PRPSAP2: variants seen among roughly 807,000 people sequenced by gnomAD.
PRPSAP2 encodes phosphoribosyl pyrophosphate synthetase associated protein 2, also known as phosphoribosyl pyrophosphate synthase-associated protein 2.
Under a neutral mutation model 40.6 loss-of-function variants are expected in PRPSAP2, and 24 were observed. That is an observed-to-expected ratio of 0.59 (90% confidence interval 0.43 to 0.83). The LOEUF is 0.83. Ranked by LOEUF, PRPSAP2 falls within the 40% of genes least tolerant of loss-of-function variation. PRPSAP2 has a pLI of 0.00. For synonymous variants in PRPSAP2, 149 were observed against 164.7 expected, an observed-to-expected ratio of 0.90 and a Z score of 0.73; for missense variants, 292 against 465.6, an observed-to-expected ratio of 0.63 and a Z score of 3.43.
chr17:18,886,858 A>T (rs1301545205), intron 7 of PRPSAP2, among the ~76,000 whole-genome samples: 3 of 151,434 alleles, frequency 2.0e-5, no homozygotes, highest in African/African-American at 7.3e-5. Context: ...TATTTGATTC[A>T]TGAATATCAA....
At chr17:18,889,760 G>A (rs926623625) in intron 7 of PRPSAP2, 62 bp from the exon 8 acceptor site, 5 of 1,325,206 alleles carry the variant, frequency 3.8e-6, no homozygotes, top group Non-Finnish European at 5.2e-6. Context: ...AGCATTTTTG[G>A]GTCTGTTGGA....
At chr17:18,857,837 T>G (rs2036694285), upstream of PRPSAP2, 1 of 152,330 alleles carries the variant, frequency 6.6e-6, no homozygotes, top group African/African-American at 2.4e-5. Context: ...TACAGGCCAG[T>G]GGAGGCTTGA....
intron 8 of PRPSAP2, among the ~76,000 whole-genome samples, chr17:18,902,937 A>G (rs1292769870): frequency 6.7e-6 from 1 of 149,702 alleles, no homozygotes; most frequent in African/African-American, 2.5e-5. Flanking sequence ...CCGAGTACAT[A>G]TTTGAGTGCT....
intron 3 of PRPSAP2, among the ~76,000 whole-genome samples, chr17:18,866,643 A>AT (rs2037454701): frequency 6.6e-6 from 1 of 152,198 alleles, no homozygotes; most frequent in African/African-American, 2.4e-5. Context: ...TTAAACAAAT[A>AT]TTGTACCCCT....
At chr17:18,877,060 G>C (rs920884734) in intron 5 of PRPSAP2, among the ~76,000 whole-genome samples, 1 of 152,164 alleles carries the variant, frequency 6.6e-6, no homozygotes, top group African/African-American at 2.4e-5. Flanking sequence ...GTGAGGCTGG[G>C]GAGAAGAGGA....
intron 9 of PRPSAP2, among the ~76,000 whole-genome samples, chr17:18,920,169 A>G (rs1411660877): frequency 6.6e-6 from 1 of 152,150 alleles, no homozygotes; most frequent in African/African-American, 2.4e-5. Context: ...GCATGGAAGA[A>G]TATATGTTCC....
intron 3 of PRPSAP2, among the ~76,000 whole-genome samples, chr17:18,866,503 G>A (rs2037443047): frequency 6.6e-6 from 1 of 152,252 alleles, no homozygotes; most frequent in East Asian, 1.9e-4. Context: ...GGGTTGCAGT[G>A]AGCTGAGATT....
intron 6 of PRPSAP2, among the ~76,000 whole-genome samples, chr17:18,880,109 A>G (rs2038620139): frequency 6.6e-6 from 1 of 152,128 alleles, no homozygotes; most frequent in African/African-American, 2.4e-5. Context: ...AAAAATAAAA[A>G]TAAAATTAAA....
At chr17:18,857,069 C>CA (rs1185786046), upstream of PRPSAP2, among the ~76,000 whole-genome samples, 1 of 152,146 alleles carries the variant, frequency 6.6e-6, no homozygotes, top group Non-Finnish European at 1.5e-5. Flanking sequence ...CGCGATGGCT[C>CA]ACGCCTGTAA....
chr17:18,902,266 G>A (rs559490643), intron 8 of PRPSAP2, among the ~76,000 whole-genome samples: 3 of 152,316 alleles, frequency 2.0e-5, no homozygotes, highest in South Asian at 4.1e-4. Context: ...TTTTGTCAGT[G>A]ATGTTTGTCA....
At chr17:18,896,863 C>T (rs1013342164) in intron 8 of PRPSAP2, among the ~76,000 whole-genome samples, 4 of 152,230 alleles carry the variant, frequency 2.6e-5, no homozygotes, top group Non-Finnish European at 2.9e-5. Context: ...TTCTCATGGC[C>T]ACCATGATTA....
At chr17:18,912,678 C>T (rs1343811557) in intron 9 of PRPSAP2, among the ~76,000 whole-genome samples, 2 of 152,144 alleles carry the variant, frequency 1.3e-5, no homozygotes, top group African/African-American at 4.8e-5. Flanking sequence ...TGAAATCAAA[C>T]AGGTTGTATG....
intron 6 of PRPSAP2, among the ~76,000 whole-genome samples, chr17:18,880,121 A>G (rs2038620919): frequency 1.3e-5 from 2 of 151,914 alleles, no homozygotes; most frequent in African/African-American, 2.4e-5. Flanking sequence ...AAAATTAAAA[A>G]CTCAACCCGA....
At chr17:18,865,056 AG>A (rs1484766960) in intron 1 of PRPSAP2, 15 of 152,360 alleles carry the variant, frequency 9.8e-5, no homozygotes, top group African/African-American at 3.6e-4. Flanking sequence ...CATGTTGGCC[AG>A]GGTGGTCTTG....
In PRPSAP2 at chr17:18,928,794, C is replaced by T. The variant is rs1332090077; in HGVS notation, c.805-17C>T. The T allele has an allele frequency of 3.7e-6, 6 of 1,613,122 alleles. No individual in the cohort carries two copies. The highest frequency in any genetic ancestry group is 2.2e-5 in the East Asian group (1 of 44,852). On this transcript the variant is annotated splice_polypyrimidine_tract_variant and intron_variant, in intron 10 of 11. Transcript: ENST00000268835. ...AGAAGTGCTCATATACATTCTTTTCCATCTGTGCTTTGGCAGGATGACATC... is the reference window on the plus strand; with the variant it reads ...AGAAGTGCTCATATACATTCTTTTCTATCTGTGCTTTGGCAGGATGACATC...
chr17:18,924,871 G>A (rs1323582969), intron 10 of PRPSAP2, among the ~76,000 whole-genome samples: 1 of 151,956 alleles, frequency 6.6e-6, no homozygotes, highest in African/African-American at 2.4e-5. Flanking sequence ...TATAATCCCA[G>A]CACTTTGGGA....
At chr17:18,928,252 C>G (rs888110702) in intron 10 of PRPSAP2, 1 of 161,192 alleles carries the variant, frequency 6.2e-6, no homozygotes, top group Non-Finnish European at 1.4e-5. Context: ...GATTGGAAAC[C>G]ACTGAACTGG....
intron 8 of PRPSAP2, among the ~76,000 whole-genome samples, chr17:18,892,727 G>GTGTGTGTGTGTGTGTGTGTGTGTGTGTT: frequency 7.9e-6 from 1 of 126,626 alleles, no homozygotes; most frequent in Non-Finnish European, 1.7e-5. Flanking sequence ...GTGTGTGTGT[G>GTGTGTGTGTGTGTGTGTGTGTGTGTGTT]TATTTATTTA....
chr17:18,891,879 C>CA (rs1257399704), intron 8 of PRPSAP2, among the ~76,000 whole-genome samples: 1 of 152,226 alleles, frequency 6.6e-6, no homozygotes, highest in Non-Finnish European at 1.5e-5. Flanking sequence ...TTGTTCGAGA[C>CA]AAAATCTTAC....
Sources: gnomAD v4.1 joint callset for allele counts (sites outside exome capture counted in the v4.1 genomes callset) on GRCh38, gnomAD v4.1.1 for gene constraint, MANE v1.5 for transcripts, NCBI Gene and HGNC (gene_info 2026-07-23, HGNC 2026-07-21) for gene names.